Variants in OXR1 observed in about 807,000 individuals in gnomAD.
OXR1 encodes the protein oxidation resistance 1.
A neutral mutation model predicts 104.6 loss-of-function variants in OXR1; 41 were observed. That is an observed-to-expected ratio of 0.39 (90% confidence interval 0.31 to 0.51). The LOEUF (loss-of-function observed/expected upper bound fraction) is 0.51, where lower values mean the gene tolerates loss of function less well. OXR1 is among the 20% of genes least tolerant of loss of function. The pLI is 0.77. For synonymous variants in OXR1, 348 were observed against 348.4 expected (o/e 1.00, Z 0.01); for missense variants, 955 against 1,031.9 (o/e 0.93, Z 1.02).
At chr8:106,474,847 C>G (rs1821715861) in intron 2 of OXR1, among the ~76,000 whole-genome samples, 1 of 151,898 alleles carries the variant, frequency 6.6e-6, no homozygotes, top group Non-Finnish European at 1.5e-5. Flanking sequence ...TAAACTGTAC[C>G]TATTTCATAG....
At chr8:106,472,904 G>A (rs1156621729) in intron 2 of OXR1, among the ~76,000 whole-genome samples, 1 of 151,622 alleles carries the variant, frequency 6.6e-6, no homozygotes. Context: ...TGAGTTTTTT[G>A]TTTTGTTGGT....
intron 2 of OXR1, among the ~76,000 whole-genome samples, chr8:106,405,143 T>C (rs200800179): frequency 0.13 from 2,574 of 20,574 alleles, 144 homozygotes; most frequent in African/African-American, 0.37. Flanking sequence ...AGAAACCACA[T>C]ATATATATAT....
At chr8:106,704,031 A>G (rs1830853516) in intron 8 of OXR1, among the ~76,000 whole-genome samples, 1 of 152,214 alleles carries the variant, frequency 6.6e-6, no homozygotes, top group Admixed American at 6.5e-5. Flanking sequence ...AGGAAGACTA[A>G]ATGAATTGGT....
chr8:106,457,840 G>A (rs1434439571), intron 2 of OXR1, among the ~76,000 whole-genome samples: 2 of 152,114 alleles, frequency 1.3e-5, no homozygotes, highest in Admixed American at 6.6e-5. Flanking sequence ...CCGTGCCTGA[G>A]GACTATATGG....
chr8:106,370,644 T>A (rs1384274362), intron 2 of OXR1, among the ~76,000 whole-genome samples: 1 of 152,234 alleles, frequency 6.6e-6, no homozygotes, highest in Non-Finnish European at 1.5e-5. Context: ...TTTCTACATC[T>A]ATTGAGGTAA....
intron 2 of OXR1, among the ~76,000 whole-genome samples, chr8:106,431,601 C>T (rs771417767): frequency 4.6e-5 from 7 of 152,288 alleles, no homozygotes; most frequent in South Asian, 2.1e-4. Context: ...CGTATCTATT[C>T]GTTCGTCTGT....
At position 106,684,367 on chromosome 8, in the gene OXR1, TCTCTG is replaced by T; in HGVS notation, c.525+11_525+15del. ...GAATTTGATAAGACCACTGTAAGTATCTCTGCTTTGCAAAGATGGCGATGAAGAAA... is the reference window on the plus strand; with the variant it reads ...GAATTTGATAAGACCACTGTAAGTATCTTTGCAAAGATGGCGATGAAGAAA... On this transcript the variant is annotated intron_variant, in intron 6 of 16. Transcript: ENST00000517566. 4 of 1,361,328 alleles carry T rather than the reference TCTCTG, an allele frequency of 2.9e-6. No homozygotes were observed. Among genetic ancestry groups the T allele is most frequent in the Non-Finnish European group, 4.2e-6 (4 of 951,028 alleles). 84.3% of individuals were successfully genotyped at this position (1,361,328 alleles called of 1,614,324 possible).
At chr8:106,560,843 G>A (rs1816620787) in intron 3 of OXR1, among the ~76,000 whole-genome samples, 1 of 152,206 alleles carries the variant, frequency 6.6e-6, no homozygotes, top group Non-Finnish European at 1.5e-5. Context: ...TAGACAATGG[G>A]TGCAGCCCAC....
intron 3 of OXR1, among the ~76,000 whole-genome samples, chr8:106,644,718 G>A (rs896892672): frequency 3.3e-5 from 5 of 152,178 alleles, no homozygotes; most frequent in Admixed American, 6.5e-5. Context: ...TCACTGCTCG[G>A]TGGTTGCCAG....
chr8:106,736,310 T>C (rs999032943), intron 11 of OXR1, among the ~76,000 whole-genome samples: 1 of 152,178 alleles, frequency 6.6e-6, no homozygotes, highest in African/African-American at 2.4e-5. Flanking sequence ...CCAGCCTCTT[T>C]TCCTTTTTTC....
chr8:106,382,811 G>T (rs1189616733), intron 2 of OXR1, among the ~76,000 whole-genome samples: 2 of 149,958 alleles, frequency 1.3e-5, no homozygotes, highest in Admixed American at 1.4e-4. Context: ...TTCTGGCTCT[G>T]GCAGCTGGGT....
At chr8:106,619,399 T>TA (rs2130836622) in intron 3 of OXR1, among the ~76,000 whole-genome samples, 1 of 152,340 alleles carries the variant, frequency 6.6e-6, no homozygotes, top group African/African-American at 2.4e-5. Context: ...AGAAATAATC[T>TA]AATTTCATTT....
chr8:106,479,895 G>A (rs776800729), intron 2 of OXR1, among the ~76,000 whole-genome samples: 3 of 151,964 alleles, frequency 2.0e-5, no homozygotes, highest in East Asian at 1.9e-4. Context: ...AGGAACAAAC[G>A]TGAAAGACTT....
intron 2 of OXR1, among the ~76,000 whole-genome samples, chr8:106,510,314 A>G (rs965982396): frequency 2.0e-5 from 3 of 152,224 alleles, no homozygotes; most frequent in Non-Finnish European, 4.4e-5. Flanking sequence ...TAGGAATGAA[A>G]TGATGAACAG....
At chr8:106,604,540 C>T (rs955090618) in intron 3 of OXR1, among the ~76,000 whole-genome samples, 3 of 152,220 alleles carry the variant, frequency 2.0e-5, no homozygotes, top group African/African-American at 7.2e-5. Flanking sequence ...TTAAAAAGCA[C>T]TGCTTTTGAA....
intron 1 of OXR1, among the ~76,000 whole-genome samples, chr8:106,307,091 G>A (rs527608110): frequency 7.9e-5 from 12 of 152,186 alleles, no homozygotes; most frequent in African/African-American, 2.9e-4. Context: ...GGGAAAAGAA[G>A]GAAGGAATAG....
intron 2 of OXR1, among the ~76,000 whole-genome samples, chr8:106,474,577 C>T (rs1456146449): frequency 6.6e-6 from 1 of 151,536 alleles, no homozygotes; most frequent in African/African-American, 2.4e-5. Context: ...ATGAAAACTA[C>T]ATAAAATTTA....
intron 2 of OXR1, among the ~76,000 whole-genome samples, chr8:106,360,171 A>G (rs909104159): frequency 2.0e-5 from 3 of 152,190 alleles, no homozygotes; most frequent in Non-Finnish European, 2.9e-5. Flanking sequence ...TGCATGTTTA[A>G]AAGCTGTTTG....
intron 2 of OXR1, among the ~76,000 whole-genome samples, chr8:106,453,772 A>G (rs1367992066): frequency 6.6e-6 from 1 of 152,222 alleles, no homozygotes; most frequent in Non-Finnish European, 1.5e-5. Flanking sequence ...AGACATTGTC[A>G]TGTTTTCCTC....
Sources: allele counts gnomAD v4.1 joint callset (sites outside exome capture counted in the v4.1 genomes callset), GRCh38; gene constraint gnomAD v4.1.1; transcripts MANE v1.5; gene names NCBI Gene and HGNC (gene_info 2026-07-23, HGNC 2026-07-21).